SERPINA5: variants seen among roughly 807,000 people sequenced by gnomAD.
SERPINA5 encodes the protein serpin family A member 5.
In SERPINA5, 25 loss-of-function variants were observed where a neutral mutation model predicts 25.3. That is an observed-to-expected ratio of 0.99 (90% CI 0.72 to 1.38). The LOEUF (loss-of-function observed/expected upper bound fraction) is 1.38, where lower values mean the gene tolerates loss of function less well. SERPINA5 is among the 40% of genes most tolerant of loss of function. The pLI is 0.00. For synonymous variants in SERPINA5, 234 were observed against 206.2 expected (o/e 1.14, Z -1.16); for missense variants, 599 against 509.5 (o/e 1.18, Z -1.69).
chr14:94,586,537 T>C (rs1172137226), intron 2 of SERPINA5, among the ~76,000 whole-genome samples: 4 of 152,346 alleles, frequency 2.6e-5, no homozygotes, highest in Admixed American at 2.0e-4. Flanking sequence ...GGGCCCACTC[T>C]AGTGACCTCA....
chr14:94,587,502 A>G lies in SERPINA5; in HGVS notation c.140A>G (p.Asp47Gly), dbSNP rs1885131291. Residue 47 changes from aspartate (D) to glycine (G), a missense_variant, in exon 3 of 6, where the codon GAC becomes GGC. Asp to Gly is a moderately conservative substitution (Grantham distance 94). Transcript: ENST00000329597. ...GATVAPSSRR[D>G]FTFDLYRALA... Reference sequence around the variant, plus strand: ...ACGGTGGCCCCCAGCAGCAGAAGGGACTTTACCTTTGACCTCTACAGGGCC... The same window carrying G: ...ACGGTGGCCCCCAGCAGCAGAAGGGGCTTTACCTTTGACCTCTACAGGGCC... The G allele has an allele frequency of 6.2e-7, 1 of 1,613,880 alleles. No homozygotes were observed. Among genetic ancestry groups the G allele is most frequent in the Non-Finnish European group, 8.5e-7 (1 of 1,179,966 alleles).
intron 3 of SERPINA5, among the ~76,000 whole-genome samples, chr14:94,588,296 G>C (rs2139928207): frequency 6.6e-6 from 1 of 152,220 alleles, no homozygotes; most frequent in African/African-American, 2.4e-5. Flanking sequence ...TGGCCACCAT[G>C]GCAAAGACAC....
intron 4 of SERPINA5, 122 bp downstream of exon 4, chr14:94,590,433 G>A (rs1299477150): frequency 8.0e-7 from 1 of 1,251,292 alleles, no homozygotes; most frequent in Non-Finnish European, 1.1e-6. Context: ...CTGCCTCCAG[G>A]CCCAGAGGCA....
intron 3 of SERPINA5, among the ~76,000 whole-genome samples, chr14:94,589,741 TG>T (rs1264476478): frequency 1.3e-5 from 2 of 152,180 alleles, no homozygotes; most frequent in Admixed American, 1.3e-4. Context: ...GATTTGGTCT[TG>T]AGTAAAACGT....
Position 94,588,089 on chromosome 14 carries a change from T to C in SERPINA5, c.619+108T>C, listed in dbSNP as rs184605976. 5.5e-5 allele frequency: 77 copies of C among 1,403,524 alleles called. 1 individual carries two copies. In the African/African-American group the frequency reaches 9.2e-4, roughly 17 times the overall value. The allele number at this position is 1,403,524 out of a possible 1,614,324, so 86.9% of individuals were successfully genotyped here. A position where few individuals can be genotyped will look rare whatever the true frequency, so the allele number is the denominator to read the frequency against. On this transcript the variant is annotated intron_variant, in intron 3 of 5. Transcript: ENST00000329597. ...ATAAAAGACGGGGAGTACGTTAAGT[T>C]CTTTTGGGTGCCTGTTGAGAAAAAT...
chr14:94,589,981 C>T, intron 3 of SERPINA5, 60 bp from the exon 4 acceptor site: 1 of 1,477,348 alleles, frequency 6.8e-7, no homozygotes. Flanking sequence ...TTATTTGCAG[C>T]TGAGAATTTC....
chr14:94,589,384 G>A (rs182470021), intron 3 of SERPINA5, among the ~76,000 whole-genome samples: 44 of 152,054 alleles, frequency 2.9e-4, no homozygotes, highest in African/African-American at 9.4e-4. Flanking sequence ...GGAGGTGGGG[G>A]CTGTAGTGAG....
At position 94,592,189 on chromosome 14, in the gene SERPINA5, T is replaced by C; in HGVS notation, c.1171T>C (p.Phe391Leu). 6.2e-7 allele frequency: 1 copy of C among 1,614,154 alleles called. No individual in the cohort carries two copies. The highest frequency in any genetic ancestry group is 1.1e-5 in the South Asian group (1 of 91,078). ...AGTGTTCAACAGGCCCTTTCTGATG[T>C]TCATTGTGGATAACAACATCCTCTT... is the stretch of plus-strand genomic sequence containing the variant. Reference protein sequence around the residue: ...RLVFNRPFLMFIVDNNILFLG... With the variant: ...RLVFNRPFLMLIVDNNILFLG... Residue 391 changes from phenylalanine (F) to leucine (L), a missense_variant, in exon 6 of 6, where the codon TTC (phenylalanine) becomes CTC (leucine). Phe to Leu is a conservative substitution (Grantham distance 22, BLOSUM62 0). Transcript: ENST00000329597.
chr14:94,587,705 C>T lies in SERPINA5; in HGVS notation c.343C>T (p.Leu115Phe), dbSNP rs778905587. 1.2e-6 allele frequency: 2 copies of T among 1,614,194 alleles called. No homozygotes were observed. The highest frequency in any genetic ancestry group is 2.2e-5 in the South Asian group (2 of 91,080). Residue 115 changes from leucine (L) to phenylalanine (F), a missense_variant, in exon 3 of 6, where the codon CTT becomes TTT. Leu to Phe is a conservative substitution (Grantham distance 22). Coordinates refer to ENST00000329597, the MANE Select transcript of SERPINA5 (RefSeq NM_000624.6). ...KELHRGFQQL[L>F]QELNQPRDGF... is the part of the protein sequence containing the mutation. ...GCTGCACAGAGGCTTTCAGCAGCTC[C>T]TTCAGGAACTCAACCAGCCCAGAGA...
Position 94,587,763 on chromosome 14 carries a change from T to C in SERPINA5, c.401T>C (p.Phe134Ser). 1 of 1,614,170 alleles carries C rather than the reference T, an allele frequency of 6.2e-7. No homozygotes were observed. Among genetic ancestry groups the C allele is most frequent in the African/African-American group, 1.3e-5 (1 of 75,052 alleles). The change falls in exon 3 of 6, where the codon TTC (phenylalanine) becomes TCC (serine). Residue 134 changes from phenylalanine to serine, a missense_variant. By Grantham distance (155) the Phe-to-Ser change is radical. Transcript: ENST00000329597. ...GFQLSLGNAL[F>S]TDLVVDLQDT... Reference sequence around the variant, plus strand: ...CAGCTGAGCCTCGGCAATGCCCTTTTCACCGACCTGGTGGTAGACCTGCAG... The same window carrying C: ...CAGCTGAGCCTCGGCAATGCCCTTTCCACCGACCTGGTGGTAGACCTGCAG...
chr14:94,591,968 T>C (rs1477255485), intron 5 of SERPINA5, 89 bp from the exon 6 acceptor site: 3 of 1,395,626 alleles, frequency 2.1e-6, no homozygotes, highest in Non-Finnish European at 2.9e-6. Flanking sequence ...TACTTAGAGG[T>C]TGATGCCCAT....
Position 94,590,172 on chromosome 14 carries a change from T to C in SERPINA5, c.751T>C (p.Ser251Pro). The part of the protein sequence containing the change: ...QYHYLLDRNL[S>P]CRVVGVPYQG... The stretch of plus-strand genomic sequence containing the variant: ...TCACTACCTCCTGGACCGGAACCTC[T>C]CCTGCAGGGTGGTGGGGGTCCCCTA... The change falls in exon 4 of 6, where the codon TCC (serine) becomes CCC (proline). Residue 251 changes from serine (S) to proline (P), a missense_variant. Transcript: ENST00000329597. 1 of 1,614,050 alleles carries C rather than the reference T, an allele frequency of 6.2e-7. No individual in the cohort carries two copies. Among genetic ancestry groups the C allele is most frequent in the Non-Finnish European group, 8.5e-7 (1 of 1,179,988 alleles).
rs764850106 is a variant in SERPINA5, at chr14:94,590,078, A to G, written c.657A>G (p.Gln219=). 2.5e-6 allele frequency: 4 copies of G among 1,602,596 alleles called. No individual in the cohort carries two copies. In the African/African-American group the frequency reaches 4.0e-5, roughly 16 times the overall value. ...WETSFNHKGT[Q]EQDFYVTSET... is the part of the protein sequence containing the mutation. Reference sequence around the variant, plus strand: ...CAAGCTTCAACCACAAAGGCACCCAAGAGCAAGACTTCTACGTGACCTCGG... The same window carrying G: ...CAAGCTTCAACCACAAAGGCACCCAGGAGCAAGACTTCTACGTGACCTCGG... Residue 219 remains glutamine (Q), a synonymous_variant, in exon 4 of 6, where the codon CAA becomes CAG. Coordinates refer to ENST00000329597, the MANE Select transcript of SERPINA5 (RefSeq NM_000624.6).
intron 2 of SERPINA5, among the ~76,000 whole-genome samples, chr14:94,585,963 G>A (rs1010414626): frequency 3.7e-4 from 57 of 152,314 alleles, no homozygotes; most frequent in African/African-American, 1.3e-3. Context: ...TTATGGAGCA[G>A]TGGCTCAAGG....
chr14:94,590,734 C>A lies in SERPINA5; in HGVS notation c.891-15C>A. 6.2e-7 allele frequency: 1 copy of A among 1,612,572 alleles called. No individual in the cohort carries two copies. Among genetic ancestry groups the A allele is most frequent in the Non-Finnish European group, 8.5e-7 (1 of 1,179,222 alleles). On this transcript the variant is annotated splice_polypyrimidine_tract_variant and intron_variant, in intron 4 of 5. Coordinates refer to ENST00000329597, the MANE Select transcript of SERPINA5 (RefSeq NM_000624.6). ...GCCCCAGAACAGTCTAAGAAAGCTC[C>A]TTTTCCCTTTCCAGGCAGCTCGAGC...
intron 3 of SERPINA5, among the ~76,000 whole-genome samples, 181 bp from the exon 4 acceptor site, chr14:94,589,860 G>A (rs189092314): frequency 3.1e-4 from 47 of 152,300 alleles, no homozygotes; most frequent in African/African-American, 1.1e-3. Flanking sequence ...CCAAGAATGT[G>A]CCCAATGTTA....
At chr14:94,583,500 C>G (rs1884979973) in intron 2 of SERPINA5, among the ~76,000 whole-genome samples, 2 of 152,178 alleles carry the variant, frequency 1.3e-5, no homozygotes, top group Admixed American at 1.3e-4. Context: ...TCATCTCTGC[C>G]TGGGCTCCAA....
At position 94,590,280 on chromosome 14, in the gene SERPINA5, C is replaced by A. The variant is rs1365738343; in HGVS notation, c.859C>A (p.Leu287Met). 1.2e-6 allele frequency: 2 copies of A among 1,609,710 alleles called. No individual in the cohort carries two copies. Among genetic ancestry groups the A allele is most frequent in the African/African-American group, 1.3e-5 (1 of 74,864 alleles). Residue 287 changes from leucine to methionine, a missense_variant, in exon 4 of 6, where the codon CTG (leucine) becomes ATG (methionine). Coordinates refer to ENST00000329597, the MANE Select transcript of SERPINA5 (RefSeq NM_000624.6). ...GGAGAATGGACTGAGTGAGAAAACG[C>A]TGAGGAAGTGGCTTAAGATGTTCAA... The part of the protein sequence containing the change: ...QVENGLSEKT[L>M]RKWLKMFKKR...
At chr14:94,591,325 C>A (rs2139932175) in intron 5 of SERPINA5, among the ~76,000 whole-genome samples, 1 of 147,686 alleles carries the variant, frequency 6.8e-6, no homozygotes, top group Non-Finnish European at 1.5e-5. Flanking sequence ...CTCTTCCATT[C>A]CACTCCATTC....
Sources: gnomAD v4.1 joint callset for allele counts (sites outside exome capture counted in the v4.1 genomes callset) on GRCh38, gnomAD v4.1.1 for gene constraint, MANE v1.5 for transcripts, NCBI Gene and HGNC (gene_info 2026-07-23, HGNC 2026-07-21) for gene names.